RFX2: variants seen among roughly 807,000 people sequenced by gnomAD.
The protein encoded by RFX2 is regulatory factor X2, also known as DNA-binding protein RFX2.
A neutral mutation model predicts 87.8 loss-of-function variants in RFX2; 20 were observed. That is an observed-to-expected ratio of 0.23 (90% CI 0.16 to 0.33). The LOEUF (loss-of-function observed/expected upper bound fraction) is 0.33. Ranked by LOEUF, RFX2 falls within the 10% of genes least tolerant of loss-of-function variation. The pLI is 1.00. For missense variants in RFX2, 767 were observed against 1,012.3 expected (o/e 0.76, Z 3.29); for synonymous variants, 397 against 431.3 (o/e 0.92, Z 0.98).
chr19:6,080,202 A>ATGTG (rs368062995), intron 1 of RFX2, among the ~76,000 whole-genome samples: 7,446 of 138,416 alleles, frequency 0.054, 208 homozygotes, highest in Middle Eastern at 0.1. Flanking sequence ...TGCCTGGTTA[A>ATGTG]TGTGTGTGTG....
At chr19:6,065,716 C>T (rs1003482170) in intron 1 of RFX2, among the ~76,000 whole-genome samples, 8 of 151,976 alleles carry the variant, frequency 5.3e-5, no homozygotes, top group African/African-American at 1.9e-4. Context: ...GCTGAAATGC[C>T]GGTAACAAAC....
rs1195888396 is a variant in RFX2, at chr19:6,012,497, CAT to C, written c.899+487_899+488del. Reference sequence around the variant, plus strand: ...CTGCGTGACACTGTGATGGGGGACACATGTCATTATAGGTTTGTCCAAACTGT... The same window carrying C: ...CTGCGTGACACTGTGATGGGGGACACGTCATTATAGGTTTGTCCAAACTGT... On this transcript the variant is annotated intron_variant, in intron 8 of 17. Transcript: ENST00000303657. The surrounding 1 kb of genome is among the most constrained non-coding windows in gnomAD (Gnocchi z 4.6). Among the ~76,000 whole-genome samples, 2 of 152,060 alleles carry C rather than the reference CAT, an allele frequency of 1.3e-5. No individual in the cohort carries two copies. Among genetic ancestry groups the C allele is most frequent in the African/African-American group, 4.8e-5 (2 of 41,378 alleles).
intron 1 of RFX2, among the ~76,000 whole-genome samples, chr19:6,090,076 C>T (rs2087911955): frequency 6.6e-6 from 1 of 152,092 alleles, no homozygotes; most frequent in African/African-American, 2.4e-5. Context: ...GTCCTCCCAC[C>T]TCACCCTCTG....
Position 6,004,418 on chromosome 19 carries a change from C to G in RFX2, c.1403-120G>C. On this transcript the variant is annotated intron_variant, in intron 12 of 17. Transcript: ENST00000303657. This position sits in a 1 kb window ranked among gnomAD's most constrained non-coding sequence, Gnocchi z 4.8. ...AAAATGACCACCATGAAGAACGAGC[C>G]ACACAGGCGACGGGGAACCGAGGAC... is the stretch of plus-strand genomic sequence containing the variant. 1 of 812,012 alleles carries G rather than the reference C, an allele frequency of 1.2e-6. No homozygotes were observed. The highest frequency in any genetic ancestry group is 2.1e-6 in the Non-Finnish European group (1 of 471,298). The allele number at this position is 812,012 out of a possible 1,614,324, so 50.3% of individuals were successfully genotyped here. A position where few individuals can be genotyped will look rare whatever the true frequency, so the allele number is the denominator to read the frequency against.
chr19:6,077,453 A>T (rs184759134), intron 1 of RFX2, among the ~76,000 whole-genome samples: 4 of 152,298 alleles, frequency 2.6e-5, no homozygotes, highest in Admixed American at 1.3e-4. Context: ...CCTCTGCAGG[A>T]AATGGCCTCC....
rs1315028657 is a variant in RFX2 at position 6,010,675 on chromosome 19, A to G, written c.900-424T>C. On this transcript the variant is annotated intron_variant, in intron 8 of 17. Transcript: ENST00000303657. The surrounding 1 kb of genome is among the most constrained non-coding windows in gnomAD (Gnocchi z 5.0). The stretch of plus-strand genomic sequence containing the variant: ...TCTCTCACTGAGCGTTATGTCCTCA[A>G]GGTCCACCGAGTTGTAGCCTGTGTT... Among the ~76,000 whole-genome samples the G allele has an allele frequency of 6.6e-6, 1 of 152,188 alleles. No individual in the cohort carries two copies.
chr19:6,109,947 G>C (rs1397817024), intron 1 of RFX2, among the ~76,000 whole-genome samples: 1 of 151,322 alleles, frequency 6.6e-6, no homozygotes, highest in Non-Finnish European at 1.5e-5. Context: ...TCGAGGGTAT[G>C]AGTAAAAGAG....
chr19:6,010,112 C>T lies in RFX2; in HGVS notation c.1015+24G>A. The stretch of plus-strand genomic sequence containing the variant: ...GTGGCGAGCAGATGGGAGCCCCGCC[C>T]CCGGGCCTGACCGGGCCTCTCACCT... On this transcript the variant is annotated intron_variant, in intron 9 of 17. Coordinates refer to ENST00000303657, the MANE Select transcript of RFX2 (RefSeq NM_000635.4). This position sits in a 1 kb window ranked among gnomAD's most constrained non-coding sequence, Gnocchi z 5.0. 2 of 1,471,254 alleles carry T rather than the reference C, an allele frequency of 1.4e-6. No homozygotes were observed. Among genetic ancestry groups the T allele is most frequent in the Non-Finnish European group, 1.9e-6 (2 of 1,078,560 alleles). The allele number at this position is 1,471,254 out of a possible 1,614,324, so 91.1% of individuals were successfully genotyped here. A position where few individuals can be genotyped will look rare whatever the true frequency, so the allele number is the denominator to read the frequency against.
In RFX2 at chr19:6,011,264, G is replaced by C. The variant is rs1416934585; in HGVS notation, c.900-1013C>G. Among the ~76,000 whole-genome samples, 7 of 152,222 alleles carry C rather than the reference G, an allele frequency of 4.6e-5. No homozygotes were observed. Among genetic ancestry groups the C allele is most frequent in the African/African-American group, 7.2e-5 (3 of 41,452 alleles). On this transcript the variant is annotated intron_variant, in intron 8 of 17. Coordinates refer to ENST00000303657, the MANE Select transcript of RFX2 (RefSeq NM_000635.4). This position sits in a 1 kb window ranked among gnomAD's most constrained non-coding sequence, Gnocchi z 4.8. Reference sequence around the variant, plus strand: ...TGAGCCAGATGGTGGTGGCCAGCCTGTGCAGGCAGTGCTGAGAAACACTCA... The same window carrying C: ...TGAGCCAGATGGTGGTGGCCAGCCTCTGCAGGCAGTGCTGAGAAACACTCA...
In RFX2 at chr19:6,045,009, G is replaced by A. The variant is rs939313083; in HGVS notation, c.91-727C>T. On this transcript the variant is annotated intron_variant, in intron 2 of 17. Transcript: ENST00000303657. The surrounding 1 kb of genome is among the most constrained non-coding windows in gnomAD (Gnocchi z 5.2). ...GTCAAAGTGAACTCGAGTCGAGGGA[G>A]GAACAGGAGTGTTTTGTGTGTTTAT... 2.6e-5 allele frequency among the ~76,000 whole-genome samples: 4 copies of A among 152,206 alleles called. No individual in the cohort carries two copies. The highest frequency in any genetic ancestry group is 9.6e-5 in the African/African-American group (4 of 41,456).
intron 9 of RFX2, 113 bp from the exon 10 acceptor site, chr19:6,008,337 G>A (rs1036341375): frequency 9.6e-6 from 5 of 518,512 alleles, no homozygotes; most frequent in Admixed American, 7.2e-5. Flanking sequence ...CCCACCCCAT[G>A]CAGTCAGGGA....
rs2086363762 is a variant in RFX2 at position 5,993,560 on chromosome 19, A to G, written c.*1275T>C. On this transcript the variant is annotated 3_prime_UTR_variant, in exon 18 of 18. Coordinates refer to ENST00000303657, the MANE Select transcript of RFX2 (RefSeq NM_000635.4). ...CATAAGAAACGTTCTAATAACAATT[A>G]GCGCACAAAACTATTGGTATAAACA... is the stretch of plus-strand genomic sequence containing the variant. 2 of 152,264 alleles carry G rather than the reference A, an allele frequency of 1.3e-5. No individual in the cohort carries two copies. Among genetic ancestry groups the G allele is most frequent in the Non-Finnish European group, 2.9e-5 (2 of 68,044 alleles). The allele number at this position is 152,264 out of a possible 1,614,324, so 9.4% of individuals were successfully genotyped here.
chr19:6,094,634 G>A, intron 1 of RFX2, among the ~76,000 whole-genome samples: 1 of 152,052 alleles, frequency 6.6e-6, no homozygotes, highest in Admixed American at 6.6e-5. Context: ...TAGAAGCCAG[G>A]GCCACACGTG....
chr19:6,009,941 T>C (rs1039090644), intron 9 of RFX2, among the ~76,000 whole-genome samples, 195 bp downstream of exon 9: 1 of 152,266 alleles, frequency 6.6e-6, no homozygotes, highest in African/African-American at 2.4e-5. Flanking sequence ...TTTTTTGGCA[T>C]GTGCTGATTA....
intron 3 of RFX2, among the ~76,000 whole-genome samples, chr19:6,043,461 C>G (rs1410016331): frequency 1.3e-5 from 2 of 152,236 alleles, no homozygotes; most frequent in Non-Finnish European, 2.9e-5. Context: ...TAGGGAGGAG[C>G]CTGAGTTAAC....
chr19:6,025,505 C>T (rs2086875332), intron 6 of RFX2, among the ~76,000 whole-genome samples: 1 of 152,126 alleles, frequency 6.6e-6, no homozygotes, highest in Non-Finnish European at 1.5e-5. Context: ...GTTGCTGTTG[C>T]TGATTTTTGT....
intron 1 of RFX2, among the ~76,000 whole-genome samples, chr19:6,094,428 C>T (rs1329520460): frequency 6.6e-6 from 1 of 152,120 alleles, no homozygotes; most frequent in Admixed American, 6.5e-5. Flanking sequence ...CAGTGATGAT[C>T]ACTTTAGAAA....
chr19:5,998,035 C>T lies in RFX2; in HGVS notation c.1860-822G>A, dbSNP rs1174373422. Among the ~76,000 whole-genome samples, 2 of 152,060 alleles carry T rather than the reference C, an allele frequency of 1.3e-5. No homozygotes were observed. Among genetic ancestry groups the T allele is most frequent in the African/African-American group, 4.8e-5 (2 of 41,386 alleles). Reference sequence around the variant, plus strand: ...GTATAAGACCAAAGGGGGCTAGGCACGGTCGCTCACACCTGTAATCCCAGC... The same window carrying T: ...GTATAAGACCAAAGGGGGCTAGGCATGGTCGCTCACACCTGTAATCCCAGC... On this transcript the variant is annotated intron_variant, in intron 15 of 17. Coordinates refer to ENST00000303657, the MANE Select transcript of RFX2 (RefSeq NM_000635.4). The surrounding 1 kb of genome is among the most constrained non-coding windows in gnomAD (Gnocchi z 4.2).
At chr19:6,093,534 C>CA (rs1177783838) in intron 1 of RFX2, among the ~76,000 whole-genome samples, 2 of 150,866 alleles carry the variant, frequency 1.3e-5, no homozygotes, top group East Asian at 3.9e-4. Context: ...GACTCTGTCT[C>CA]AAAAAAATAA....
Sources: gnomAD v4.1 joint callset for allele counts (sites outside exome capture counted in the v4.1 genomes callset) on GRCh38, gnomAD v4.1.1 for gene constraint, Gnocchi (gnomAD v3.1) non-coding constraint, MANE v1.5 for transcripts, NCBI Gene and HGNC (gene_info 2026-07-23, HGNC 2026-07-21) for gene names.